NFASC: variants seen among roughly 807,000 people sequenced by gnomAD.
The protein encoded by NFASC is neurofascin, also known as neurofascin homolog.
A neutral mutation model predicts 147.5 loss-of-function variants in NFASC; 43 were observed. That is an observed-to-expected ratio of 0.29 (90% CI 0.23 to 0.38). The LOEUF (loss-of-function observed/expected upper bound fraction) is 0.38, where lower values mean the gene tolerates loss of function less well. NFASC is among the 10% of genes least tolerant of loss of function. The probability of loss-of-function intolerance (pLI) is 1.00; values close to 1 mark genes in which losing one functional copy is unlikely to be tolerated. For synonymous variants in NFASC, 622 were observed against 665.5 expected (o/e 0.93, Z 1.01); for missense variants, 1,320 against 1,689.0 (o/e 0.78, Z 3.83).
chr1:204,844,776 G>A (rs1484071740), intron 1 of NFASC, among the ~76,000 whole-genome samples: 1 of 152,056 alleles, frequency 6.6e-6, no homozygotes, highest in Non-Finnish European at 1.5e-5. Flanking sequence ...GGCTGAGTTA[G>A]GTCAGAGCCA....
chr1:205,014,666 T>A (rs1197232286), intron 29 of NFASC, among the ~76,000 whole-genome samples: 1 of 152,056 alleles, frequency 6.6e-6, no homozygotes, highest in East Asian at 1.9e-4. Flanking sequence ...CAGACCTAGA[T>A]CCCCCGTCCC....
Position 204,979,577 on chromosome 1 carries a change from G to A in NFASC, c.2176+18G>A, listed in dbSNP as rs766998347. The A allele has an allele frequency of 1.2e-6, 2 of 1,611,182 alleles. No homozygotes were observed. The highest frequency in any genetic ancestry group is 1.7e-5 in the Admixed American group (1 of 60,008). On this transcript the variant is annotated intron_variant, in intron 19 of 29. Coordinates refer to ENST00000339876, the MANE Select transcript of NFASC (RefSeq NM_001005388.3). The surrounding 1 kb of genome is among the most constrained non-coding windows in gnomAD (Gnocchi z 6.0). Reference sequence around the variant, plus strand: ...TGGAGCACGTGAGTACCCGAGGGCTGCCAGAGAAGGCTCCGGAACCCCGCA... The same window carrying A: ...TGGAGCACGTGAGTACCCGAGGGCTACCAGAGAAGGCTCCGGAACCCCGCA...
At chr1:204,900,931 C>T (rs1360352355) in intron 1 of NFASC, among the ~76,000 whole-genome samples, 1 of 152,082 alleles carries the variant, frequency 6.6e-6, no homozygotes, top group South Asian at 2.1e-4. Flanking sequence ...CTCCTCTTGG[C>T]CTCCCAAAGT....
chr1:204,979,341 C>G lies in NFASC; in HGVS notation c.1979-21C>G. On this transcript the variant is annotated intron_variant, in intron 18 of 29. Transcript: ENST00000339876. This position sits in a 1 kb window ranked among gnomAD's most constrained non-coding sequence, Gnocchi z 6.0. ...TGCTAACTGAGCTCCCGAAACAGCT[C>G]TGTTTTCCTTGCCCACTCAGACTAC... 3 of 1,605,768 alleles carry G rather than the reference C, an allele frequency of 1.9e-6. No individual in the cohort carries two copies.
intron 1 of NFASC, chr1:204,870,569 C>A: frequency 1.5e-6 from 1 of 686,994 alleles, no homozygotes; most frequent in Non-Finnish European, 1.8e-6. Context: ...GGGAGCCTGG[C>A]CCGGCCTGGT....
At chr1:205,001,318 G>A in intron 26 of NFASC, 32 bp downstream of exon 26, 1 of 1,445,442 alleles carries the variant, frequency 6.9e-7, no homozygotes, top group Non-Finnish European at 9.7e-7. Flanking sequence ...GGTGGTGGCG[G>A]CAGCGGCGTC....
rs1315393741 is a variant in NFASC, at chr1:204,877,075, TATATA to T, written c.-199-43551_-199-43547del. Among the ~76,000 whole-genome samples, 207 of 111,138 alleles carry T rather than the reference TATATA, an allele frequency of 1.9e-3. 3 individuals carry two copies. Among genetic ancestry groups the T allele is most frequent in the Non-Finnish European group, 2.5e-3 (153 of 60,112 alleles). The allele number at this position is 111,138 out of a possible 152,430, so 72.9% of individuals were successfully genotyped here. On this transcript the variant is annotated intron_variant, in intron 1 of 29. Transcript: ENST00000339876. The stretch of plus-strand genomic sequence containing the variant: ...ATATATTTATTTATATATTTATATA[TATATA>T]ATATATTTATTTATATATTTATATA...
chr1:204,893,169 A>T (rs1277416130), intron 1 of NFASC, among the ~76,000 whole-genome samples: 1 of 152,230 alleles, frequency 6.6e-6, no homozygotes, highest in Admixed American at 6.5e-5. Flanking sequence ...GCTGGTGAAC[A>T]TGCTAGATGG....
rs1394055978 is a variant in NFASC, at chr1:205,009,503, C to T, written c.3290-54C>T. ...AAGTTCTTCCCTCCATCTCCCTCCT[C>T]ACCATCTCCCCCATGAAATCATTCA... On this transcript the variant is annotated intron_variant, in intron 27 of 29. Transcript: ENST00000339876. 22 of 1,592,404 alleles carry T rather than the reference C, an allele frequency of 1.4e-5. No individual in the cohort carries two copies. The Middle Eastern group carries it at 6.6e-4, about 48-fold the overall frequency.
rs544766243 is a variant in NFASC at position 204,857,473 on chromosome 1, G to A, written c.-200+28691G>A. Among the ~76,000 whole-genome samples, 8 of 142,844 alleles carry A rather than the reference G, an allele frequency of 5.6e-5. No individual in the cohort carries two copies. The East Asian group carries it at 2.2e-3, about 39-fold the overall frequency. The allele number at this position is 142,844 out of a possible 152,430, so 93.7% of individuals were successfully genotyped here. A position where few individuals can be genotyped will look rare whatever the true frequency, so the allele number is the denominator to read the frequency against. ...TTTCCTGCACGGCGTGCCCCTGCCT[G>A]CCTAGCAACAGGTCAATTGGCTGGT... On this transcript the variant is annotated intron_variant, in intron 1 of 29. Coordinates refer to ENST00000339876, the MANE Select transcript of NFASC (RefSeq NM_001005388.3).
intron 1 of NFASC, among the ~76,000 whole-genome samples, chr1:204,853,418 A>G (rs1261025289): frequency 6.6e-6 from 1 of 152,130 alleles, no homozygotes; most frequent in Non-Finnish European, 1.5e-5. Flanking sequence ...CATGTCCCCC[A>G]TTTAGACTTG....
chr1:204,908,500 T>G (rs1470078628), intron 1 of NFASC, among the ~76,000 whole-genome samples: 6 of 152,206 alleles, frequency 3.9e-5, no homozygotes, highest in African/African-American at 1.4e-4. Flanking sequence ...GAAAAACTCT[T>G]TTTAATCAAA....
chr1:205,017,250 C>T lies in NFASC; in HGVS notation c.*711C>T. 6.2e-6 allele frequency: 1 copy of T among 160,830 alleles called. No individual in the cohort carries two copies. The highest frequency in any genetic ancestry group is 5.7e-5 in the Admixed American group (1 of 17,426). The allele number at this position is 160,830 out of a possible 1,614,324, so 10.0% of individuals were successfully genotyped here. The stretch of plus-strand genomic sequence containing the variant: ...AAGGTGCGCAGGCCTCCTTGCTGCT[C>T]TCTGGTTTGGTTGGGAGGTGTGTTT... On this transcript the variant is annotated 3_prime_UTR_variant, in exon 30 of 30. Transcript: ENST00000339876.
rs1159206312 is a variant in NFASC, at chr1:204,830,006, G to GGGGTGT, written c.-200+1225_-200+1226insGGTGTG. 6.9e-5 allele frequency among the ~76,000 whole-genome samples: 10 copies of GGGGTGT among 144,102 alleles called. No individual in the cohort carries two copies. In the East Asian group the frequency reaches 8.4e-4, roughly 12 times the overall value. 94.5% of individuals were successfully genotyped at this position (144,102 alleles called of 152,430 possible). ...CTCCTTCCTTGGCATTTTGGCATGGGGTGTGTGTGTGTGTGTGTGTGTGTG... is the reference window on the plus strand; with the variant it reads ...CTCCTTCCTTGGCATTTTGGCATGGGGGGTGTGTGTGTGTGTGTGTGTGTGTGTGTG... On this transcript the variant is annotated intron_variant, in intron 1 of 29. Coordinates refer to ENST00000339876, the MANE Select transcript of NFASC (RefSeq NM_001005388.3).
At chr1:204,964,885 G>C (rs2094864176) in intron 8 of NFASC, among the ~76,000 whole-genome samples, 1 of 152,218 alleles carries the variant, frequency 6.6e-6, no homozygotes, top group Non-Finnish European at 1.5e-5. Flanking sequence ...CAGGAGTCTT[G>C]ATGTTTCCTC....
chr1:204,830,011 GTGT>G lies in NFASC; in HGVS notation c.-200+1230_-200+1232del, dbSNP rs1287725038. ...TCCTTGGCATTTTGGCATGGGGTGT[GTGT>G]GTGTGTGTGTGTGTGTGTGTGTGTG... On this transcript the variant is annotated intron_variant, in intron 1 of 29. Coordinates refer to ENST00000339876, the MANE Select transcript of NFASC (RefSeq NM_001005388.3). Among the ~76,000 whole-genome samples the G allele has an allele frequency of 4.1e-3, 93 of 22,876 alleles. 2 individuals are homozygous for G. The highest frequency in any genetic ancestry group is 6.3e-3 in the African/African-American group (84 of 13,248). The allele number at this position is 22,876 out of a possible 152,430, so 15.0% of individuals were successfully genotyped here.
chr1:205,002,607 A>T lies in NFASC; in HGVS notation c.3148A>T (p.Lys1050Ter). 6.6e-7 allele frequency: 1 copy of T among 1,525,090 alleles called. No individual in the cohort carries two copies. The highest frequency in any genetic ancestry group is 8.9e-7 in the Non-Finnish European group (1 of 1,120,314). The allele number at this position is 1,525,090 out of a possible 1,614,324, so 94.5% of individuals were successfully genotyped here. The change falls in exon 27 of 30, where the codon AAA becomes TAA. Residue 1050 changes from lysine (K) to a stop codon, truncating the protein, a stop_gained. Coordinates refer to ENST00000339876, the MANE Select transcript of NFASC (RefSeq NM_001005388.3). LOFTEE classifies it high-confidence loss of function. ...TTTCTGTTCCCCAGGCAACCATACG[A>T]AAAAAACTGTCCCAGTTAAGGCCCA... ...VVEYIDSNHT[K>*]KTVPVKAQAQ...
chr1:204,880,742 G>T (rs1316680697), intron 1 of NFASC, among the ~76,000 whole-genome samples: 1 of 152,102 alleles, frequency 6.6e-6, no homozygotes, highest in African/African-American at 2.4e-5. Flanking sequence ...TGGGATTTGG[G>T]GTTTTTGATT....
At chr1:205,007,774 G>A (rs1273937642) in intron 27 of NFASC, among the ~76,000 whole-genome samples, 2 of 152,188 alleles carry the variant, frequency 1.3e-5, no homozygotes, top group Non-Finnish European at 2.9e-5. Context: ...GTGGTGGGAG[G>A]TAGGACTAGA....
Sources: allele counts gnomAD v4.1 joint callset (sites outside exome capture counted in the v4.1 genomes callset), GRCh38; gene constraint gnomAD v4.1.1; non-coding constraint Gnocchi (gnomAD v3.1); transcripts MANE v1.5; gene names NCBI Gene and HGNC (gene_info 2026-07-23, HGNC 2026-07-21).